KRCC1: variants seen among roughly 807,000 people sequenced by gnomAD.
KRCC1 encodes lysine rich coiled-coil 1.
A neutral mutation model predicts 7.4 loss-of-function variants in KRCC1; 3 were observed. The observed-to-expected ratio is 0.40, with a 90% confidence interval of 0.18 to 1.04. KRCC1 has a LOEUF of 1.04. KRCC1 is among the 50% of genes least tolerant of loss of function. The pLI is 0.33. For synonymous variants in KRCC1, 102 were observed against 101.6 expected (o/e 1.00, Z -0.02); for missense variants, 277 against 300.9 (o/e 0.92, Z 0.59).
rs150102005 is a variant in KRCC1, at chr2:88,028,041, G to A, written c.523C>T (p.Arg175Trp). 4.6e-5 allele frequency: 74 copies of A among 1,613,590 alleles called. No individual in the cohort carries two copies. The highest frequency in any genetic ancestry group is 1.8e-4 in the Admixed American group (11 of 59,960). ...EEGREKSEEE[R>W]SKHKRKKSCE... The stretch of plus-strand genomic sequence containing the variant: ...CTTTTTTTTCTCTTATGCTTAGACC[G>A]CTCCTCCTCTGATTTTTCTCTGCCT... The change falls in exon 4 of 4, where the codon CGG becomes TGG. Residue 175 changes from arginine to tryptophan, a missense_variant. By Grantham distance (101) the Arg-to-Trp change is moderately radical. Transcript: ENST00000347055.
intron 1 of KRCC1, among the ~76,000 whole-genome samples, chr2:88,048,414 T>C (rs1372535154): frequency 1.3e-5 from 2 of 152,234 alleles, no homozygotes; most frequent in Non-Finnish European, 2.9e-5. Context: ...AAGTATCTTA[T>C]GTTTTATGAG....
At chr2:88,055,060 T>C (rs1345450885) in intron 1 of KRCC1, among the ~76,000 whole-genome samples, 1 of 151,664 alleles carries the variant, frequency 6.6e-6, no homozygotes, top group Non-Finnish European at 1.5e-5. Flanking sequence ...TAGGGCCATA[T>C]CCTCAAAAGC....
chr2:88,035,715 G>A (rs1372512945), intron 2 of KRCC1, among the ~76,000 whole-genome samples: 2 of 152,072 alleles, frequency 1.3e-5, no homozygotes, highest in African/African-American at 4.8e-5. Flanking sequence ...TATGAATGAT[G>A]TATATTTTCT....
Position 88,055,768 on chromosome 2 carries a change from T to G in KRCC1, c.-433A>C, listed in dbSNP as rs530816725. 1 of 153,946 alleles carries G rather than the reference T, an allele frequency of 6.5e-6. No homozygotes were observed. Among genetic ancestry groups the G allele is most frequent in the East Asian group, 1.9e-4 (1 of 5,222 alleles). The allele number at this position is 153,946 out of a possible 1,614,324, so 9.5% of individuals were successfully genotyped here. A position where few individuals can be genotyped will look rare whatever the true frequency, so the allele number is the denominator to read the frequency against. ...CCGCCGCCTCCGCCGCCGAGCAGGCTGGATGGGAGGAGGAGGCGGAGACCC... is the reference window on the plus strand; with the variant it reads ...CCGCCGCCTCCGCCGCCGAGCAGGCGGGATGGGAGGAGGAGGCGGAGACCC... On this transcript the variant is annotated 5_prime_UTR_variant, in exon 1 of 4. Coordinates refer to ENST00000347055, the MANE Select transcript of KRCC1 (RefSeq NM_016618.3).
intron 2 of KRCC1, among the ~76,000 whole-genome samples, chr2:88,035,798 T>C (rs1021536480): frequency 6.6e-6 from 1 of 152,206 alleles, no homozygotes; most frequent in Non-Finnish European, 1.5e-5. Context: ...AAACTCAAGT[T>C]ATCACAGAGC....
At chr2:88,045,094 G>T (rs781604536) in intron 1 of KRCC1, among the ~76,000 whole-genome samples, 1 of 151,698 alleles carries the variant, frequency 6.6e-6, no homozygotes, top group Non-Finnish European at 1.5e-5. Context: ...CTAACTCCTG[G>T]GCTCAAGCAA....
At chr2:88,041,084 C>T (rs1387326160) in intron 1 of KRCC1, among the ~76,000 whole-genome samples, 1 of 152,022 alleles carries the variant, frequency 6.6e-6, no homozygotes, top group African/African-American at 2.4e-5. Flanking sequence ...AAAAGAGACT[C>T]AAAATGGAGA....
chr2:88,039,644 C>T (rs1673164090), intron 1 of KRCC1, among the ~76,000 whole-genome samples: 2 of 152,024 alleles, frequency 1.3e-5, no homozygotes, highest in African/African-American at 2.4e-5. Context: ...GCCAAGATTG[C>T]GCCACTGCGT....
intron 3 of KRCC1, among the ~76,000 whole-genome samples, chr2:88,033,529 A>C (rs1188311215): frequency 6.6e-6 from 1 of 152,240 alleles, no homozygotes; most frequent in East Asian, 1.9e-4. Context: ...CCGTCTCAAA[A>C]AAAAAAGTCA....
At position 88,028,436 on chromosome 2, in the gene KRCC1, G is replaced by A; in HGVS notation, c.128C>T (p.Thr43Ile). ...FRKMKGDYLE[T>I]CGYKGEVNSR... ...ATTAACCTCTCCTTTGTACCCACAG[G>A]TTTCCAAATAGTCCCCTTTCATCTT... Residue 43 changes from threonine (T) to isoleucine (I), a missense_variant, in exon 4 of 4, where the codon ACC becomes ATC. By Grantham distance (89) the Thr-to-Ile change is moderately conservative. Coordinates refer to ENST00000347055, the MANE Select transcript of KRCC1 (RefSeq NM_016618.3). 6.2e-7 allele frequency: 1 copy of A among 1,614,114 alleles called. No homozygotes were observed. The highest frequency in any genetic ancestry group is 1.1e-5 in the South Asian group (1 of 91,086).
chr2:88,035,216 A>G (rs1415818754), intron 2 of KRCC1, among the ~76,000 whole-genome samples: 1 of 152,224 alleles, frequency 6.6e-6, no homozygotes, highest in African/African-American at 2.4e-5. Flanking sequence ...TTTGTGACAG[A>G]GACTACCAGT....
intron 3 of KRCC1, among the ~76,000 whole-genome samples, chr2:88,031,135 G>A (rs1259301607): frequency 1.3e-5 from 2 of 152,074 alleles, no homozygotes; most frequent in Admixed American, 6.6e-5. Flanking sequence ...CCTCAGGAAG[G>A]TCCTTCAGAA....
At chr2:88,045,145 G>A (rs769451498) in intron 1 of KRCC1, among the ~76,000 whole-genome samples, 3 of 151,922 alleles carry the variant, frequency 2.0e-5, no homozygotes, top group Non-Finnish European at 2.9e-5. Flanking sequence ...GTTTACAGGT[G>A]TGAGCCACTG....
chr2:88,054,657 C>T (rs1474327375), intron 1 of KRCC1, among the ~76,000 whole-genome samples: 1 of 152,156 alleles, frequency 6.6e-6, no homozygotes, highest in East Asian at 1.9e-4. Flanking sequence ...TCTTCCCACT[C>T]CCTACTCCCT....
At chr2:88,048,939 G>A (rs983937962) in intron 1 of KRCC1, among the ~76,000 whole-genome samples, 6 of 152,122 alleles carry the variant, frequency 3.9e-5, no homozygotes, top group Non-Finnish European at 8.8e-5. Flanking sequence ...GAACTTAATT[G>A]GGGTAACAAT....
At chr2:88,032,834 C>T (rs1288425130) in intron 3 of KRCC1, among the ~76,000 whole-genome samples, 1 of 152,214 alleles carries the variant, frequency 6.6e-6, no homozygotes, top group African/African-American at 2.4e-5. Context: ...GGCATAGTGG[C>T]TCATGCCTGT....
In KRCC1 at chr2:88,032,270, G is replaced by A. The variant is rs749654871; in HGVS notation, c.-23+1864C>T. Among the ~76,000 whole-genome samples, 11 of 152,248 alleles carry A rather than the reference G, an allele frequency of 7.2e-5. No individual in the cohort carries two copies. The Middle Eastern group carries it at 0.014, about 188-fold the overall frequency. ...ACTCACTGACTCAGAGCAACTTGCA[G>A]TCCTGCAAGCTCCTCCATTCATGCT... On this transcript the variant is annotated intron_variant, in intron 3 of 3. Transcript: ENST00000347055.
chr2:88,039,330 A>G (rs1312679414), intron 1 of KRCC1, among the ~76,000 whole-genome samples: 1 of 152,230 alleles, frequency 6.6e-6, no homozygotes, highest in Non-Finnish European at 1.5e-5. Context: ...TTGCTTAAAA[A>G]TATTATGTGC....
intron 1 of KRCC1, among the ~76,000 whole-genome samples, chr2:88,041,703 A>T (rs1295497635): frequency 6.6e-6 from 1 of 152,240 alleles, no homozygotes; most frequent in African/African-American, 2.4e-5. Flanking sequence ...AAATTTTGAC[A>T]TCACCTCTCT....
Sources: gnomAD v4.1 joint callset for allele counts (sites outside exome capture counted in the v4.1 genomes callset) on GRCh38, gnomAD v4.1.1 for gene constraint, MANE v1.5 for transcripts, NCBI Gene and HGNC (gene_info 2026-07-23, HGNC 2026-07-21) for gene names.